Variants in LRRC69 observed in about 807,000 individuals in gnomAD.
The protein encoded by LRRC69 is leucine-rich repeat-containing protein 69.
Under a neutral mutation model 37.8 loss-of-function variants are expected in LRRC69, and 42 were observed. That is an observed-to-expected ratio of 1.11 (90% confidence interval 0.87 to 1.44). LRRC69 has a LOEUF of 1.44. LRRC69 is among the 40% of genes most tolerant of loss of function. LRRC69 has a pLI of 0.00. For missense variants in LRRC69, 357 were observed against 401.9 expected (o/e 0.89, Z 0.96); for synonymous variants, 141 against 143.1 (o/e 0.99, Z 0.11).
chr8:91,206,320 T>G (rs1202075635), intron 7 of LRRC69, among the ~76,000 whole-genome samples: 1 of 152,166 alleles, frequency 6.6e-6, no homozygotes, highest in Non-Finnish European at 1.5e-5. Flanking sequence ...ATTAAAATAG[T>G]GGTTGAGCAG....
intron 5 of LRRC69, among the ~76,000 whole-genome samples, chr8:91,152,347 G>A (rs1217240116): frequency 2.6e-5 from 4 of 151,606 alleles, no homozygotes; most frequent in African/African-American, 9.7e-5. Context: ...TTCCACATAT[G>A]GCTAGCCAGT....
exon 3 of LRRC69, chr8:91,127,136 C>G: frequency 6.5e-7 from 1 of 1,548,226 alleles, no homozygotes. Context: ...AATCATCTTA[C>G]GCAGCTTCCT....
chr8:91,209,300 G>A (rs544798410), intron 7 of LRRC69, among the ~76,000 whole-genome samples: 36 of 152,160 alleles, frequency 2.4e-4, no homozygotes, highest in African/African-American at 8.2e-4. Context: ...ATGGTGGTGG[G>A]CACCTGTAAT....
intron 7 of LRRC69, among the ~76,000 whole-genome samples, chr8:91,206,512 A>T (rs930799614): frequency 2.0e-5 from 3 of 152,218 alleles, no homozygotes; most frequent in Non-Finnish European, 4.4e-5. Context: ...TGTTATATTC[A>T]AGAGACATTT....
chr8:91,116,211 C>T (rs1586226452), intron 1 of LRRC69, among the ~76,000 whole-genome samples: 1 of 151,908 alleles, frequency 6.6e-6, no homozygotes, highest in Non-Finnish European at 1.5e-5. Context: ...CAGTATTTTC[C>T]TGGGCCTAAA....
intron 7 of LRRC69, among the ~76,000 whole-genome samples, chr8:91,201,068 A>G (rs1334832290): frequency 1.3e-5 from 2 of 152,224 alleles, no homozygotes; most frequent in Non-Finnish European, 2.9e-5. Flanking sequence ...CCTTTTGTTC[A>G]TGAATATTAA....
At chr8:91,111,780 A>G (rs1813413718) in intron 1 of LRRC69, among the ~76,000 whole-genome samples, 1 of 151,940 alleles carries the variant, frequency 6.6e-6, no homozygotes, top group African/African-American at 2.4e-5. Context: ...CCTAATGGCT[A>G]CTAGGTTTGG....
At chr8:91,194,760 G>T (rs1348171766) in intron 6 of LRRC69, among the ~76,000 whole-genome samples, 1 of 152,068 alleles carries the variant, frequency 6.6e-6, no homozygotes, top group Non-Finnish European at 1.5e-5. Flanking sequence ...CTTGCTAGTG[G>T]TCTATCTATT....
intron 7 of LRRC69, among the ~76,000 whole-genome samples, chr8:91,203,695 A>G (rs7817853): frequency 0.69 from 104,649 of 151,470 alleles, 36,638 homozygotes; most frequent in African/African-American, 0.76. Context: ...CACTGCGCCC[A>G]GCCTCAGTGT....
intron 1 of LRRC69, among the ~76,000 whole-genome samples, chr8:91,111,845 A>G (rs1011767109): frequency 8.6e-5 from 13 of 151,924 alleles, no homozygotes; most frequent in Admixed American, 7.2e-4. Flanking sequence ...AAGTTTACCT[A>G]TGTAACAAAC....
intron 5 of LRRC69, among the ~76,000 whole-genome samples, chr8:91,181,626 G>C (rs548110876): frequency 1.3e-5 from 2 of 152,276 alleles, no homozygotes; most frequent in East Asian, 3.9e-4. Flanking sequence ...AGAAGGAAAA[G>C]AGATAAGACC....
At chr8:91,207,293 G>A (rs939533973) in intron 7 of LRRC69, among the ~76,000 whole-genome samples, 1 of 152,154 alleles carries the variant, frequency 6.6e-6, no homozygotes, top group African/African-American at 2.4e-5. Context: ...ACAGAACTGT[G>A]GCTAGGGATC....
intron 5 of LRRC69, among the ~76,000 whole-genome samples, chr8:91,181,170 T>C (rs1459442857): frequency 6.6e-6 from 1 of 152,194 alleles, no homozygotes; most frequent in Non-Finnish European, 1.5e-5. Context: ...AATTTATAAT[T>C]ATTTTAAAGA....
chr8:91,166,518 C>T (rs945851078), intron 5 of LRRC69, among the ~76,000 whole-genome samples: 13 of 117,188 alleles, frequency 1.1e-4, no homozygotes, highest in African/African-American at 5.4e-4. Context: ...AAAAAAAAAC[C>T]TATGAATACC....
chr8:91,120,911 C>T (rs1813606984), intron 1 of LRRC69, among the ~76,000 whole-genome samples: 1 of 151,972 alleles, frequency 6.6e-6, no homozygotes, highest in South Asian at 2.1e-4. Context: ...ACATTTACAG[C>T]TCCTACTTGA....
At chr8:91,141,873 T>C (rs964307110) in intron 5 of LRRC69, among the ~76,000 whole-genome samples, 2 of 151,930 alleles carry the variant, frequency 1.3e-5, no homozygotes, top group Non-Finnish European at 2.9e-5. Context: ...CTTTTGATGA[T>C]GGGGAAAGAA....
chr8:91,110,994 C>A (rs1333908113), intron 1 of LRRC69, among the ~76,000 whole-genome samples: 1 of 152,046 alleles, frequency 6.6e-6, no homozygotes, highest in African/African-American at 2.4e-5. Flanking sequence ...TAGTTTGAGT[C>A]TTTACAGAGA....
At chr8:91,157,156 GTCATTGGTATTT>G in intron 5 of LRRC69, 2 of 713,840 alleles carry the variant, frequency 2.8e-6, no homozygotes, top group Non-Finnish European at 5.0e-6. Flanking sequence ...TGTGAAGAGT[GTCATTGGTATTT>G]TGATAGGGAT....
At chr8:91,198,313 G>T (rs991297700) in intron 6 of LRRC69, among the ~76,000 whole-genome samples, 4 of 152,144 alleles carry the variant, frequency 2.6e-5, no homozygotes, top group African/African-American at 9.7e-5. Flanking sequence ...AGGTGTTCAA[G>T]ACCAGGGAAG....
Sources: gnomAD v4.1 joint callset for allele counts (sites outside exome capture counted in the v4.1 genomes callset) on GRCh38, gnomAD v4.1.1 for gene constraint, MANE v1.5 for transcripts, NCBI Gene and HGNC (gene_info 2026-07-23, HGNC 2026-07-21) for gene names.